The following PLCG2 variants were observed in gnomAD, a reference collection of about 807,000 sequenced individuals.
PLCG2 encodes phospholipase C gamma 2, also known as 1-phosphatidylinositol 4,5-bisphosphate phosphodiesterase gamma-2.
PLCG2 carries 69 observed loss-of-function variants against 175.6 expected under a neutral mutation model. The ratio of observed to expected loss-of-function variants is 0.39; its 90% CI spans 0.32 to 0.48. The LOEUF is 0.48. Among genes scored for constraint, PLCG2 ranks in the 20% least tolerant of loss-of-function variants. The probability of loss-of-function intolerance (pLI) is 0.91; values close to 1 mark genes in which losing one functional copy is unlikely to be tolerated. For missense variants in PLCG2, 1,798 were observed against 1,650.9 expected, an observed-to-expected ratio of 1.09 and a Z score of -1.54; for synonymous variants, 827 against 624.0, an observed-to-expected ratio of 1.33 and a Z score of -4.85.
At chr16:81,859,257 G>A in intron 5 of PLCG2, 94 bp downstream of exon 5, 1 of 811,714 alleles carries the variant, frequency 1.2e-6, no homozygotes, top group Admixed American at 1.9e-5. Flanking sequence ...GACTTGTCGG[G>A]AGCAAGGTCC....
At chr16:81,860,640 T>C (rs1906933954) in intron 5 of PLCG2, among the ~76,000 whole-genome samples, 2 of 152,134 alleles carry the variant, frequency 1.3e-5, no homozygotes, top group Non-Finnish European at 2.9e-5. Context: ...CATTATGTTT[T>C]TGAGGTATGA....
intron 30 of PLCG2, among the ~76,000 whole-genome samples, chr16:81,941,563 A>ATT (rs35288622): frequency 1.4e-5 from 2 of 144,726 alleles, no homozygotes; most frequent in African/African-American, 2.5e-5. Flanking sequence ...AAAGTTTCTG[A>ATT]TTTTTTTTTT....
intron 27 of PLCG2, chr16:81,937,513 T>A: frequency 2.5e-6 from 1 of 397,006 alleles, no homozygotes; most frequent in Non-Finnish European, 4.5e-6. Flanking sequence ...ATAGACACTT[T>A]TAGCAAGTTT....
chr16:81,910,754 G>A, intron 18 of PLCG2, 34 bp downstream of exon 18: 1 of 1,589,054 alleles, frequency 6.3e-7, no homozygotes, highest in Non-Finnish European at 8.6e-7. Context: ...GAGGCAGGCG[G>A]TGGTCGGGTT....
intron 7 of PLCG2, among the ~76,000 whole-genome samples, chr16:81,877,898 C>G (rs1226426332): frequency 6.7e-6 from 1 of 150,184 alleles, no homozygotes; most frequent in Non-Finnish European, 1.5e-5. Context: ...TTGTGCCAGT[C>G]TCTGCCTCCA....
intron 17 of PLCG2, among the ~76,000 whole-genome samples, chr16:81,910,066 C>G (rs1382909520): frequency 6.6e-6 from 1 of 151,898 alleles, no homozygotes; most frequent in African/African-American, 2.4e-5. Context: ...GAGGGTCTAG[C>G]CTATACTAAG....
chr16:81,756,881 C>A (rs1413152370), intron 2 of PLCG2, among the ~76,000 whole-genome samples: 1 of 152,172 alleles, frequency 6.6e-6, no homozygotes, highest in East Asian at 1.9e-4. Flanking sequence ...GAGAGCCCCA[C>A]AGCCTGGGGC....
At position 81,961,499 on chromosome 16, in the gene PLCG2, A is replaced by G. The variant is rs929368454; in HGVS notation, c.*3501A>G. 2 of 222,790 alleles carry G rather than the reference A, an allele frequency of 9.0e-6. No individual in the cohort carries two copies. The highest frequency in any genetic ancestry group is 5.8e-5 in the Admixed American group (1 of 17,386). 13.8% of individuals were successfully genotyped at this position (222,790 alleles called of 1,614,324 possible). ...TACAGCCTTAGGATTATAGGATACT[A>G]TATAATACTTTTGGTACAGAGATAG... On this transcript the variant is annotated 3_prime_UTR_variant, in exon 33 of 33. Coordinates refer to ENST00000564138, the MANE Select transcript of PLCG2 (RefSeq NM_002661.5).
At chr16:81,889,717 G>A (rs1908541893) in intron 10 of PLCG2, among the ~76,000 whole-genome samples, 1 of 151,978 alleles carries the variant, frequency 6.6e-6, no homozygotes, top group Non-Finnish European at 1.5e-5. Flanking sequence ...TGCAGTGGTG[G>A]GATCTCACCT....
At chr16:81,919,719 T>G (rs1458450689) in intron 20 of PLCG2, 55 bp downstream of exon 20, 1 of 1,455,324 alleles carries the variant, frequency 6.9e-7, no homozygotes, top group Admixed American at 1.8e-5. Flanking sequence ...AGGTTGTAAC[T>G]CATCTGTTCA....
chr16:81,743,327 G>A (rs1176808355), intron 1 of PLCG2, among the ~76,000 whole-genome samples: 4 of 152,196 alleles, frequency 2.6e-5, no homozygotes, highest in African/African-American at 9.6e-5. Context: ...TTCCAGTCTG[G>A]ATGACAGAGA....
At chr16:81,770,973 G>C (rs887850097) in intron 2 of PLCG2, among the ~76,000 whole-genome samples, 1 of 151,810 alleles carries the variant, frequency 6.6e-6, no homozygotes, top group Admixed American at 6.6e-5. Context: ...CAGGAGAATG[G>C]TGTGAACCCG....
chr16:81,956,831 G>A lies in PLCG2; in HGVS notation c.3707G>A (p.Ser1236Asn). ...CGGGATGCCCTGGTTAAAGAGTTCAGTGTTAATGAGAACCAGCTCCAGCTG... is the reference window on the plus strand; with the variant it reads ...CGGGATGCCCTGGTTAAAGAGTTCAATGTTAATGAGAACCAGCTCCAGCTG... ...ANRDALVKEF[S>N]VNENQLQLYQ... The change falls in exon 32 of 33, where the codon AGT becomes AAT. Residue 1236 changes from serine (S) to asparagine (N), a missense_variant. By Grantham distance (46) the Ser-to-Asn change is conservative. Coordinates refer to ENST00000564138, the MANE Select transcript of PLCG2 (RefSeq NM_002661.5). 1 of 1,614,180 alleles carries A rather than the reference G, an allele frequency of 6.2e-7. No individual in the cohort carries two copies. The highest frequency in any genetic ancestry group is 8.5e-7 in the Non-Finnish European group (1 of 1,180,006).
At chr16:81,881,833 G>A (rs912717926) in intron 8 of PLCG2, among the ~76,000 whole-genome samples, 1 of 150,608 alleles carries the variant, frequency 6.6e-6, no homozygotes, top group South Asian at 2.1e-4. Flanking sequence ...TGTATTTTTG[G>A]TAGAGATGGG....
intron 21 of PLCG2, 88 bp from the exon 22 acceptor site, chr16:81,923,397 A>G: frequency 1.3e-6 from 1 of 748,276 alleles, no homozygotes; most frequent in Non-Finnish European, 2.3e-6. Flanking sequence ...CTCCCCAATG[A>G]GAAGAACCAA....
At chr16:81,844,026 G>A (rs1384056750) in intron 2 of PLCG2, among the ~76,000 whole-genome samples, 1 of 150,976 alleles carries the variant, frequency 6.6e-6, no homozygotes, top group Admixed American at 6.6e-5. Flanking sequence ...GCCCAGGCTG[G>A]AGTGCAGTGG....
intron 2 of PLCG2, among the ~76,000 whole-genome samples, chr16:81,828,234 CATTTT>C (rs1905122604): frequency 8.6e-6 from 1 of 116,084 alleles, no homozygotes; most frequent in Non-Finnish European, 1.7e-5. Context: ...TGAGAAATGT[CATTTT>C]TTTTTTTTTT....
chr16:81,914,146 G>T (rs977715569), intron 19 of PLCG2, among the ~76,000 whole-genome samples: 3 of 152,156 alleles, frequency 2.0e-5, no homozygotes, highest in African/African-American at 7.2e-5. Flanking sequence ...GGCCCCAGGT[G>T]GGGTGTTGGC....
chr16:81,882,556 G>C (rs1330542877), intron 8 of PLCG2, among the ~76,000 whole-genome samples: 1 of 152,010 alleles, frequency 6.6e-6, no homozygotes, highest in Non-Finnish European at 1.5e-5. Context: ...TCTGGGTATT[G>C]GATAGGCACA....
Sources: allele counts gnomAD v4.1 joint callset (sites outside exome capture counted in the v4.1 genomes callset), GRCh38; gene constraint gnomAD v4.1.1; transcripts MANE v1.5; gene names NCBI Gene and HGNC (gene_info 2026-07-23, HGNC 2026-07-21).